Variants in CNOT4 observed in about 807,000 individuals in gnomAD.
CNOT4 encodes the protein CCR4-associated factor 4.
A neutral mutation model predicts 73.8 loss-of-function variants in CNOT4; 8 were observed. The observed-to-expected ratio is 0.11, with a 90% CI of 0.06 to 0.20. CNOT4 has a LOEUF of 0.20. CNOT4 is among the 10% of genes least tolerant of loss of function. CNOT4 has a pLI of 1.00. For missense variants in CNOT4, 564 were observed against 883.4 expected, an observed-to-expected ratio of 0.64 and a Z score of 4.58; for synonymous variants, 293 against 321.1, an observed-to-expected ratio of 0.91 and a Z score of 0.94.
chr7:135,488,759 G>C (rs1012417041), intron 1 of CNOT4, among the ~76,000 whole-genome samples: 4 of 152,022 alleles, frequency 2.6e-5, no homozygotes, highest in African/African-American at 9.7e-5. Context: ...ATTATAGAAT[G>C]TATCATTATT....
rs146143777 is a variant in CNOT4, at chr7:135,381,728, G to A, written c.1627+12190C>T. Among the ~76,000 whole-genome samples the A allele has an allele frequency of 5.9e-5, 9 of 152,212 alleles. No individual in the cohort carries two copies. The East Asian group carries it at 1.7e-3, about 29-fold the overall frequency. ...TTACCATTGAGATAATTAAAGAATG[G>A]TACTGGGTCACTGCATCATACACTT... On this transcript the variant is annotated intron_variant, in intron 10 of 11. Coordinates refer to ENST00000541284, the MANE Select transcript of CNOT4 (RefSeq NM_001190850.2).
intron 1 of CNOT4, among the ~76,000 whole-genome samples, chr7:135,504,917 C>T (rs908434316): frequency 9.2e-5 from 14 of 152,188 alleles, no homozygotes; most frequent in African/African-American, 3.1e-4. Context: ...CGTGAGCCAC[C>T]GTGCCCGGTC....
intron 1 of CNOT4, among the ~76,000 whole-genome samples, chr7:135,460,715 G>C (rs1486660060): frequency 6.6e-6 from 1 of 152,088 alleles, no homozygotes; most frequent in Non-Finnish European, 1.5e-5. Context: ...ATATGCTGTT[G>C]AAAAATGCCA....
chr7:135,463,982 G>A (rs1801052657), intron 1 of CNOT4, among the ~76,000 whole-genome samples: 1 of 130,894 alleles, frequency 7.6e-6, no homozygotes, highest in African/African-American at 3.0e-5. Context: ...ACCACAATGA[G>A]GTATCATCTC....
chr7:135,418,641 C>A (rs1798003807), intron 3 of CNOT4, among the ~76,000 whole-genome samples: 1 of 152,188 alleles, frequency 6.6e-6, no homozygotes, highest in Non-Finnish European at 1.5e-5. Context: ...AGTCACTCAA[C>A]TTCCTTTTGC....
intron 1 of CNOT4, among the ~76,000 whole-genome samples, chr7:135,482,699 G>C (rs1032866897): frequency 6.6e-6 from 1 of 151,466 alleles, no homozygotes; most frequent in Non-Finnish European, 1.5e-5. Flanking sequence ...GTAGATGAAA[G>C]GCCGAGCACA....
At chr7:135,450,779 G>A (rs1800111267) in intron 1 of CNOT4, among the ~76,000 whole-genome samples, 1 of 152,110 alleles carries the variant, frequency 6.6e-6, no homozygotes, top group South Asian at 2.1e-4. Flanking sequence ...AGGATAAAAT[G>A]TCTATTGGGA....
At chr7:135,388,846 T>A in intron 10 of CNOT4, 1 of 1,613,240 alleles carries the variant, frequency 6.2e-7, no homozygotes, top group Non-Finnish European at 8.5e-7. Context: ...TTGTAATGAA[T>A]GGGAAGAGGT....
chr7:135,404,879 T>C (rs1327411450), intron 7 of CNOT4, among the ~76,000 whole-genome samples: 1 of 152,228 alleles, frequency 6.6e-6, no homozygotes, highest in African/African-American at 2.4e-5. Flanking sequence ...TTCCTTGGAA[T>C]TTACAATCCA....
chr7:135,387,095 G>C (rs761814355), intron 10 of CNOT4: 1 of 984,412 alleles, frequency 1.0e-6, no homozygotes, highest in Non-Finnish European at 1.2e-6. Flanking sequence ...GCCTCTTACA[G>C]TAAAAATGAA....
rs1333111696 is a variant in CNOT4, at chr7:135,393,970, G to C, written c.1575C>G (p.Asp525Glu). The part of the protein sequence containing the change: ...ANPTSNSNFL[D>E]LNLPPQHNTG... ...TGTTGTGCTGTGGCGGGAGATTCAAGTCCAAGAAATTACTATTTGAGGTGG... is the reference window on the plus strand; with the variant it reads ...TGTTGTGCTGTGGCGGGAGATTCAACTCCAAGAAATTACTATTTGAGGTGG... Residue 525 changes from aspartate to glutamate, a missense_variant, in exon 10 of 12, where the codon GAC becomes GAG. Transcript: ENST00000541284. 6 of 1,613,520 alleles carry C rather than the reference G, an allele frequency of 3.7e-6. No individual in the cohort carries two copies. The highest frequency in any genetic ancestry group is 5.1e-6 in the Non-Finnish European group (6 of 1,179,502).
intron 1 of CNOT4, among the ~76,000 whole-genome samples, chr7:135,468,667 C>T (rs865954239): frequency 4.3e-4 from 59 of 137,794 alleles, no homozygotes; most frequent in African/African-American, 1.5e-3. Flanking sequence ...GCCTGGGTGA[C>T]GAGCAAGACT....
chr7:135,479,452 G>A (rs1263681852), intron 1 of CNOT4, among the ~76,000 whole-genome samples: 2 of 151,530 alleles, frequency 1.3e-5, no homozygotes, highest in Admixed American at 6.6e-5. Context: ...CTTGTGATCC[G>A]CCCGCCTCGG....
Position 135,495,504 on chromosome 7 carries a change from C to CAA in CNOT4, c.-93+14383_-93+14384dup, listed in dbSNP as rs150007748. Among the ~76,000 whole-genome samples the CAA allele has an allele frequency of 5.2e-3, 281 of 54,524 alleles. 1 individual carries two copies. The highest frequency in any genetic ancestry group is 5.8e-3 in the Non-Finnish European group (178 of 30,780). The allele number at this position is 54,524 out of a possible 152,430, so 35.8% of individuals were successfully genotyped here. ...TGGGAGACAGAGCGAGACTCTGCCT[C>CAA]AAAAAAAAAAAAAAAAAAAAAAATA... On this transcript the variant is annotated intron_variant, in intron 1 of 11. Transcript: ENST00000541284.
Position 135,509,996 on chromosome 7 carries a change from G to T in CNOT4, c.-200C>A, listed in dbSNP as rs1173298096. 3 of 399,016 alleles carry T rather than the reference G, an allele frequency of 7.5e-6. No homozygotes were observed. The highest frequency in any genetic ancestry group is 1.3e-5 in the Non-Finnish European group (3 of 226,162). 24.7% of individuals were successfully genotyped at this position (399,016 alleles called of 1,614,324 possible). ...GAAAAAACTCTTCAGAACCGGGCCT[G>T]ATTGCTTCAGCGAGTCCGACCTTTA... On this transcript the variant is annotated 5_prime_UTR_variant, in exon 1 of 12. Coordinates refer to ENST00000541284, the MANE Select transcript of CNOT4 (RefSeq NM_001190850.2).
At chr7:135,434,195 T>C (rs56723299) in intron 2 of CNOT4, among the ~76,000 whole-genome samples, 3,046 of 152,304 alleles carry the variant, frequency 0.02, 109 homozygotes, top group African/African-American at 0.07. Flanking sequence ...TCTAGGCCTC[T>C]AGCAACATTG....
intron 2 of CNOT4, among the ~76,000 whole-genome samples, chr7:135,436,017 CTTTT>C (rs200820015): frequency 4.1e-5 from 6 of 145,020 alleles, no homozygotes; most frequent in African/African-American, 1.3e-4. Flanking sequence ...ACTCCCATTC[CTTTT>C]TTTTTTTTAA....
intron 1 of CNOT4, among the ~76,000 whole-genome samples, chr7:135,500,817 T>C (rs1169233286): frequency 2.0e-5 from 3 of 152,208 alleles, no homozygotes; most frequent in African/African-American, 7.2e-5. Flanking sequence ...TCTGAACTAA[T>C]ATACACATAG....
intron 1 of CNOT4, among the ~76,000 whole-genome samples, chr7:135,497,072 TGTTGGATTACAG>T (rs1803635328): frequency 6.6e-6 from 1 of 151,776 alleles, no homozygotes; most frequent in Admixed American, 6.6e-5. Context: ...ACTCCCAAAG[TGTTGGATTACAG>T]GCGTGAGCCA....
Sources: gnomAD v4.1 joint callset for allele counts (sites outside exome capture counted in the v4.1 genomes callset) on GRCh38, gnomAD v4.1.1 for gene constraint, MANE v1.5 for transcripts, NCBI Gene and HGNC (gene_info 2026-07-23, HGNC 2026-07-21) for gene names.